The following MOK variants were observed in gnomAD, a reference collection of about 807,000 sequenced individuals.
MOK encodes MAPK/MAK/MRK overlapping kinase.
Under a neutral mutation model 54.2 loss-of-function variants are expected in MOK, and 59 were observed. That is an observed-to-expected ratio of 1.09 (90% CI 0.88 to 1.35). The LOEUF is 1.35. MOK is among the 40% of genes most tolerant of loss of function. MOK has a pLI of 0.00. For missense variants in MOK, 517 were observed against 526.2 expected, an observed-to-expected ratio of 0.98 and a Z score of 0.17; for synonymous variants, 210 against 202.7, an observed-to-expected ratio of 1.04 and a Z score of -0.31.
In MOK at chr14:102,251,927, G is replaced by C; in HGVS notation, c.352C>G (p.His118Asp). The change falls in exon 5 of 12, where the codon CAT (histidine) becomes GAT (aspartate). Residue 118 changes from histidine to aspartate, a missense_variant. His to Asp is a moderately conservative substitution (Grantham distance 81). Transcript: ENST00000361847. ...YMYQLCKSLD[H>D]IHRNGIFHRD... ...TCTCCGAGAGCATACCTGTGAATATGATCCAGGGACTTACATAACTGGTAC... is the reference window on the plus strand; with the variant it reads ...TCTCCGAGAGCATACCTGTGAATATCATCCAGGGACTTACATAACTGGTAC... The C allele has an allele frequency of 6.2e-7, 1 of 1,602,702 alleles. No homozygotes were observed. Among genetic ancestry groups the C allele is most frequent in the Non-Finnish European group, 8.5e-7 (1 of 1,170,974 alleles).
rs2066010611 is a variant in MOK at position 102,245,321 on chromosome 14, C to A, written c.590+5491G>T. Among the ~76,000 whole-genome samples, 1 of 151,406 alleles carries A rather than the reference C, an allele frequency of 6.6e-6. No homozygotes were observed. The highest frequency in any genetic ancestry group is 1.5e-5 in the Non-Finnish European group (1 of 67,976). The stretch of plus-strand genomic sequence containing the variant: ...AAACATCGCCCATTATCTCTTCATA[C>A]CACCCCCCCAAAAATTTTCACTGCC... On this transcript the variant is annotated intron_variant, in intron 7 of 11. Transcript: ENST00000361847. This position sits in a 1 kb window ranked among gnomAD's most constrained non-coding sequence, Gnocchi z 4.3.
At chr14:102,294,773 T>TA (rs1004996480) in intron 1 of MOK, among the ~76,000 whole-genome samples, 8 of 152,038 alleles carry the variant, frequency 5.3e-5, no homozygotes, top group East Asian at 1.9e-4. Flanking sequence ...AGACTTGCTT[T>TA]AAAAAAAATA....
chr14:102,251,864 G>C, intron 5 of MOK, 53 bp downstream of exon 5: 1 of 1,531,864 alleles, frequency 6.5e-7, no homozygotes, highest in Non-Finnish European at 9.0e-7. Flanking sequence ...TCTTGAATCT[G>C]AATGTTAACA....
chr14:102,292,185 G>A (rs1346610384), intron 1 of MOK, among the ~76,000 whole-genome samples: 1 of 151,930 alleles, frequency 6.6e-6, no homozygotes, highest in African/African-American at 2.4e-5. Flanking sequence ...AAATTATGGA[G>A]TACATAGGCC....
At chr14:102,244,934 C>T (rs1245104939) in intron 7 of MOK, among the ~76,000 whole-genome samples, 1 of 152,030 alleles carries the variant, frequency 6.6e-6, no homozygotes, top group Admixed American at 6.5e-5. Flanking sequence ...CACACCTCAC[C>T]AAACTCAGCC....
intron 4 of MOK, 147 bp from the exon 5 acceptor site, chr14:102,252,142 T>C (rs1035252397): frequency 1.5e-5 from 9 of 607,008 alleles, no homozygotes; most frequent in Non-Finnish European, 2.6e-5. Context: ...AGGAAATATG[T>C]AGTGTGCCTA....
chr14:102,219,050 G>A, the MOK span, among the ~76,000 whole-genome samples: 8 of 152,302 alleles, frequency 5.3e-5, no homozygotes, highest in South Asian at 6.2e-4. Flanking sequence ...CCCTGTCACC[G>A]GGAGTTTGAC....
rs2064573824 is a variant in MOK, at chr14:102,230,434, G to A, written c.982-777C>T. Reference sequence around the variant, plus strand: ...AATTTTAGTGTCCCCAGTTCTACTGGAACGCAGCCCCTATGTGGTTCATGT... The same window carrying A: ...AATTTTAGTGTCCCCAGTTCTACTGAAACGCAGCCCCTATGTGGTTCATGT... On this transcript the variant is annotated intron_variant, in intron 10 of 11. Transcript: ENST00000361847. This position sits in a 1 kb window ranked among gnomAD's most constrained non-coding sequence, Gnocchi z 4.1. The A allele has an allele frequency of 6.6e-6, 1 of 152,242 alleles. No individual in the cohort carries two copies. Among genetic ancestry groups the A allele is most frequent in the Non-Finnish European group, 1.5e-5 (1 of 68,044 alleles). 9.4% of individuals were successfully genotyped at this position (152,242 alleles called of 1,614,324 possible).
At chr14:102,225,506 C>G (rs1481920647), downstream of MOK, 1 of 152,134 alleles carries the variant, frequency 6.6e-6, no homozygotes, top group African/African-American at 2.4e-5. Context: ...CAGCCGTGTC[C>G]AAAACTTTTG....
intron 4 of MOK, among the ~76,000 whole-genome samples, chr14:102,259,989 C>T (rs959120392): frequency 6.6e-6 from 1 of 152,234 alleles, no homozygotes; most frequent in Non-Finnish European, 1.5e-5. Flanking sequence ...ACCAGCCTGA[C>T]CAACATGGAA....
rs371312402 is a variant in MOK at position 102,265,858 on chromosome 14, C to A, written c.177G>T (p.Pro59=). Residue 59 remains proline, a synonymous_variant, in exon 3 of 12, where the codon CCG becomes CCT. Transcript: ENST00000361847. ...REIQALRRLN[P]HPNILMLHEV... ...CATGCAACATAAGAATGTTTGGGTG[C>A]GGATTCAGGCGCCTCAGTGCTTGGA... is the stretch of plus-strand genomic sequence containing the variant. 1.9e-6 allele frequency: 3 copies of A among 1,613,772 alleles called. No individual in the cohort carries two copies. The highest frequency in any genetic ancestry group is 1.7e-5 in the Admixed American group (1 of 59,982).
chr14:102,285,198 G>A (rs1331428838), intron 1 of MOK, among the ~76,000 whole-genome samples: 1 of 152,006 alleles, frequency 6.6e-6, no homozygotes, highest in Non-Finnish European at 1.5e-5. Flanking sequence ...CACTTAGATT[G>A]TGGCAGAAAC....
intron 2 of MOK, among the ~76,000 whole-genome samples, chr14:102,271,620 G>A (rs1011007361): frequency 3.9e-5 from 6 of 152,026 alleles, no homozygotes; most frequent in East Asian, 1.9e-4. Flanking sequence ...GTGCACGAGC[G>A]CAACCTCGGC....
rs1392121222 is a variant in MOK, at chr14:102,240,247, G to A, written c.591-6458C>T. On this transcript the variant is annotated intron_variant, in intron 7 of 11. Transcript: ENST00000361847. This position sits in a 1 kb window ranked among gnomAD's most constrained non-coding sequence, Gnocchi z 5.4. ...CTCTGTTTTCGGACTCAGCCCGCCT[G>A]CACCCAGGTGAAATAAACAGCCTTG... 1.3e-5 allele frequency among the ~76,000 whole-genome samples: 2 copies of A among 152,160 alleles called. No homozygotes were observed. The highest frequency in any genetic ancestry group is 4.8e-5 in the African/African-American group (2 of 41,432).
chr14:102,270,891 A>C (rs559447548), intron 2 of MOK, among the ~76,000 whole-genome samples: 4 of 152,264 alleles, frequency 2.6e-5, no homozygotes, highest in Non-Finnish European at 5.9e-5. Context: ...GAATTTTATG[A>C]AAGGAAAATT....
the MOK span, among the ~76,000 whole-genome samples, chr14:102,215,913 C>CT: frequency 6.6e-6 from 1 of 152,206 alleles, no homozygotes; most frequent in African/African-American, 2.4e-5. Context: ...ACCCGCAGGC[C>CT]TACCCCCCTG....
intron 2 of MOK, among the ~76,000 whole-genome samples, chr14:102,279,712 G>A (rs1432951672): frequency 6.6e-6 from 1 of 152,084 alleles, no homozygotes; most frequent in African/African-American, 2.4e-5. Flanking sequence ...GAGGCCTCAG[G>A]CAAGTAACTA....
chr14:102,229,495 C>T lies in MOK; in HGVS notation c.1144G>A (p.Val382Met), dbSNP rs750813353. The change falls in exon 11 of 12, where the codon GTG (valine) becomes ATG (methionine). Residue 382 changes from valine to methionine, a missense_variant. By Grantham distance (21) the Val-to-Met change is conservative. Coordinates refer to ENST00000361847, the MANE Select transcript of MOK (RefSeq NM_014226.3). ...GGGATGCACTTCAAGGGTCTCAGCACCGGCACTCTTCCATTTGTTCCAGAT... is the reference window on the plus strand; with the variant it reads ...GGGATGCACTTCAAGGGTCTCAGCATCGGCACTCTTCCATTTGTTCCAGAT... ...LGSGTNGRVP[V>M]LRPLKCIPAS... 5 of 1,614,190 alleles carry T rather than the reference C, an allele frequency of 3.1e-6. No individual in the cohort carries two copies. The Admixed American group carries it at 6.7e-5, about 22-fold the overall frequency.
Position 102,231,946 on chromosome 14 carries a change from A to G in MOK, c.867-125T>C, listed in dbSNP as rs2064766636. ...GTCACTAGCTCTTCTTTTCTGCCTG[A>G]GCTGTAATCAGGAGCCTTTTTTTTT... On this transcript the variant is annotated intron_variant, in intron 9 of 11. Coordinates refer to ENST00000361847, the MANE Select transcript of MOK (RefSeq NM_014226.3). This position sits in a 1 kb window ranked among gnomAD's most constrained non-coding sequence, Gnocchi z 4.4. 2.9e-6 allele frequency: 2 copies of G among 700,504 alleles called. No individual in the cohort carries two copies. The highest frequency in any genetic ancestry group is 2.9e-5 in the Admixed American group (1 of 34,868). 43.4% of individuals were successfully genotyped at this position (700,504 alleles called of 1,614,324 possible).
Sources: allele counts gnomAD v4.1 joint callset (sites outside exome capture counted in the v4.1 genomes callset), GRCh38; gene constraint gnomAD v4.1.1; non-coding constraint Gnocchi (gnomAD v3.1); transcripts MANE v1.5; gene names NCBI Gene and HGNC (gene_info 2026-07-23, HGNC 2026-07-21).